Variants in GLT8D2 observed in about 807,000 individuals in gnomAD.
GLT8D2 encodes glycosyltransferase 8 domain containing 2.
In GLT8D2, 45 loss-of-function variants were observed where a neutral mutation model predicts 44.5. The observed-to-expected ratio is 1.01, with a 90% CI of 0.80 to 1.30. GLT8D2 has a LOEUF of 1.30. Among genes scored for constraint, GLT8D2 ranks in the 50% most tolerant of loss-of-function variants. The pLI is 0.00. For missense variants in GLT8D2, 400 were observed against 430.4 expected, an observed-to-expected ratio of 0.93 and a Z score of 0.62; for synonymous variants, 156 against 157.2, an observed-to-expected ratio of 0.99 and a Z score of 0.06.
At chr12:104,022,068 A>G (rs887368649) in intron 1 of GLT8D2, among the ~76,000 whole-genome samples, 1 of 141,938 alleles carries the variant, frequency 7.0e-6, no homozygotes. Flanking sequence ...GAAAGAAAGA[A>G]AGAAAGAAAA....
rs77632729 is a variant in GLT8D2 at position 104,024,762 on chromosome 12, A to G, written c.-163-3271T>C. On this transcript the variant is annotated intron_variant, in intron 1 of 10. Coordinates refer to ENST00000360814, the MANE Select transcript of GLT8D2 (RefSeq NM_001384711.1). ...TTTTTGAGTTTTGGGAGTTGTTTAT[A>G]TATTCCGCATACAAGTCCTGTGTTA... 8.6e-3 allele frequency among the ~76,000 whole-genome samples: 1,303 copies of G among 152,156 alleles called. 23 individuals are homozygous for G. Among genetic ancestry groups the G allele is most frequent in the African/African-American group, 0.029 (1,199 of 41,510 alleles).
In GLT8D2 at chr12:103,996,746, C is replaced by G. The variant is rs150432657; in HGVS notation, c.589G>C (p.Val197Leu). The change falls in exon 8 of 11, where the codon GTG becomes CTG. Residue 197 changes from valine (V) to leucine (L), a missense_variant. Transcript: ENST00000360814. Reference sequence around the variant, plus strand: ...CAGCATATGCCCACCTGAAGTCCCACGAGTCTGTTTATGTCCTGAGCAGAG... The same window carrying G: ...CAGCATATGCCCACCTGAAGTCCCAGGAGTCTGTTTATGTCCTGAGCAGAG... ...LPSAQDINRLVGLQNTYMGYL... is the reference protein window; with the variant it reads ...LPSAQDINRLLGLQNTYMGYL... 1.2e-6 allele frequency: 2 copies of G among 1,612,420 alleles called. No homozygotes were observed. Among genetic ancestry groups the G allele is most frequent in the African/African-American group, 1.3e-5 (1 of 74,864 alleles).
rs1389371610 is a variant in GLT8D2 at position 104,003,125 on chromosome 12, C to A, written c.284+10G>T. 1 of 1,611,350 alleles carries A rather than the reference C, an allele frequency of 6.2e-7. No homozygotes were observed. Among genetic ancestry groups the A allele is most frequent in the Non-Finnish European group, 8.5e-7 (1 of 1,177,746 alleles). On this transcript the variant is annotated intron_variant, in intron 5 of 10. Transcript: ENST00000360814. The stretch of plus-strand genomic sequence containing the variant: ...ACAGAAAGTGCCAAAGTCTGTAAGA[C>A]ATAACTTACCGTATTCGAGTCAGAG...
intron 6 of GLT8D2, among the ~76,000 whole-genome samples, chr12:103,998,719 C>G (rs11613576): frequency 1.3e-5 from 2 of 152,094 alleles, no homozygotes; most frequent in South Asian, 2.1e-4. Flanking sequence ...CTAAATAAAA[C>G]TTTTTTAAGT....
intron 1 of GLT8D2, among the ~76,000 whole-genome samples, chr12:104,063,568 G>A (rs1389176032): frequency 6.6e-6 from 1 of 152,160 alleles, no homozygotes; most frequent in Non-Finnish European, 1.5e-5. Flanking sequence ...AAAGAGTTGC[G>A]TATGACTGCT....
At chr12:104,055,557 C>T (rs1882113270) in intron 1 of GLT8D2, among the ~76,000 whole-genome samples, 1 of 152,150 alleles carries the variant, frequency 6.6e-6, no homozygotes, top group African/African-American at 2.4e-5. Context: ...GAGTGCAACC[C>T]CATGCAATAT....
chr12:104,006,395 A>G (rs1355119542), intron 4 of GLT8D2, among the ~76,000 whole-genome samples: 1 of 152,180 alleles, frequency 6.6e-6, no homozygotes, highest in Middle Eastern at 3.2e-3. Flanking sequence ...AAATAAATAA[A>G]TAAAAGAAAC....
intron 1 of GLT8D2, among the ~76,000 whole-genome samples, chr12:104,048,615 G>A (rs541883241): frequency 5.2e-4 from 79 of 152,318 alleles, no homozygotes; most frequent in Admixed American, 1.2e-3. Context: ...AAAAGAAAGA[G>A]AGGTGTCTGA....
chr12:104,028,376 C>A (rs1408269953), intron 1 of GLT8D2, among the ~76,000 whole-genome samples: 5 of 152,078 alleles, frequency 3.3e-5, no homozygotes, highest in Non-Finnish European at 7.4e-5. Context: ...AATTTCATCT[C>A]ATCTCTGATG....
intron 1 of GLT8D2, among the ~76,000 whole-genome samples, chr12:104,030,064 C>A (rs1879067033): frequency 6.6e-6 from 1 of 152,158 alleles, no homozygotes; most frequent in Non-Finnish European, 1.5e-5. Context: ...AAACTGAAGG[C>A]ATCACATTTC....
intron 1 of GLT8D2, among the ~76,000 whole-genome samples, chr12:104,026,746 G>C (rs1236473618): frequency 6.6e-6 from 1 of 152,088 alleles, no homozygotes; most frequent in African/African-American, 2.4e-5. Context: ...ATTACCCCAG[G>C]AGTTGGCAAC....
chr12:104,024,078 T>C (rs1338707311), intron 1 of GLT8D2, among the ~76,000 whole-genome samples: 3 of 152,108 alleles, frequency 2.0e-5, no homozygotes, highest in African/African-American at 4.8e-5. Context: ...TATATTTAAC[T>C]CTATAAGAAA....
intron 1 of GLT8D2, chr12:104,031,017 C>A: frequency 8.1e-7 from 1 of 1,237,444 alleles, no homozygotes; most frequent in Non-Finnish European, 1.1e-6. Context: ...ATGTGGCTGC[C>A]AGTGGTGAGG....
intron 1 of GLT8D2, among the ~76,000 whole-genome samples, chr12:104,056,182 C>T (rs1882171035): frequency 6.6e-6 from 1 of 152,164 alleles, no homozygotes; most frequent in Non-Finnish European, 1.5e-5. Flanking sequence ...TTGGACATAG[C>T]TTCAGCCAAG....
At position 103,989,520 on chromosome 12, in the gene GLT8D2, T is replaced by G. The variant is rs892442798; in HGVS notation, c.938A>C (p.His313Pro). 17 of 1,613,534 alleles carry G rather than the reference T, an allele frequency of 1.1e-5. No homozygotes were observed. The East Asian group carries it at 3.8e-4, about 36-fold the overall frequency. Reference sequence around the variant, plus strand: ...CCAAGGTTTATGTCTTCCATTCCAGTGGAGTAATTTAGCTTCCTGCAGAAA... The same window carrying G: ...CCAAGGTTTATGTCTTCCATTCCAGGGGAGTAATTTAGCTTCCTGCAGAAA... ...EHFLQEAKLL[H>P]WNGRHKPWDF... Residue 313 changes from histidine (H) to proline (P), a missense_variant, in exon 11 of 11, where the codon CAC becomes CCC. By Grantham distance (77) the His-to-Pro change is moderately conservative. Transcript: ENST00000360814.
At chr12:103,991,146 GGAA>G (rs1236588613) in intron 10 of GLT8D2, among the ~76,000 whole-genome samples, 1 of 152,080 alleles carries the variant, frequency 6.6e-6, no homozygotes, top group African/African-American at 2.4e-5. Context: ...CTTTCCTTTG[GGAA>G]GAGTATGTCC....
intron 1 of GLT8D2, among the ~76,000 whole-genome samples, chr12:104,027,315 G>A (rs1304431818): frequency 6.6e-6 from 1 of 152,112 alleles, no homozygotes; most frequent in African/African-American, 2.4e-5. Flanking sequence ...TAACTTTCGG[G>A]GATGATGGAA....
At chr12:103,997,635 G>C in intron 6 of GLT8D2, 100 bp from the exon 7 acceptor site, 2 of 810,232 alleles carry the variant, frequency 2.5e-6, no homozygotes, top group Admixed American at 3.9e-5. Flanking sequence ...CCTCAGCTCA[G>C]CTCCAGGTTT....
intron 1 of GLT8D2, among the ~76,000 whole-genome samples, chr12:104,061,707 T>C (rs557520858): frequency 1.1e-3 from 168 of 152,284 alleles, no homozygotes; most frequent in African/African-American, 3.8e-3. Flanking sequence ...CCAGGCGCAG[T>C]GGTTCATGCC....
Sources: gnomAD v4.1 joint callset for allele counts (sites outside exome capture counted in the v4.1 genomes callset) on GRCh38, gnomAD v4.1.1 for gene constraint, MANE v1.5 for transcripts, NCBI Gene and HGNC (gene_info 2026-07-23, HGNC 2026-07-21) for gene names.